The following ABHD17B variants were observed in gnomAD, a reference collection of about 807,000 sequenced individuals.
ABHD17B encodes the protein abhydrolase domain containing 17B, depalmitoylase, also known as alpha/beta hydrolase domain-containing protein 17B.
A neutral mutation model predicts 26.2 loss-of-function variants in ABHD17B; 9 were observed. The observed-to-expected ratio is 0.34, with a 90% CI of 0.21 to 0.60. The LOEUF (loss-of-function observed/expected upper bound fraction) is 0.60, where lower values mean the gene tolerates loss of function less well. ABHD17B is among the 20% of genes least tolerant of loss of function. The pLI, the probability that ABHD17B is intolerant of heterozygous loss-of-function variation, is 0.80. For synonymous variants in ABHD17B, 127 were observed against 122.3 expected, an observed-to-expected ratio of 1.04 and a Z score of -0.25; for missense variants, 224 against 352.1, an observed-to-expected ratio of 0.64 and a Z score of 2.91.
chr9:71,898,047 T>C (rs1466253728), intron 1 of ABHD17B, among the ~76,000 whole-genome samples: 1 of 152,194 alleles, frequency 6.6e-6, no homozygotes, highest in Non-Finnish European at 1.5e-5. Flanking sequence ...AAGAATAGAC[T>C]AGATGCCTAA....
chr9:71,885,460 CAAAAA>C (rs35660801), intron 1 of ABHD17B, among the ~76,000 whole-genome samples: 1 of 124,006 alleles, frequency 8.1e-6, no homozygotes. Context: ...ACTCTGTCTC[CAAAAA>C]AAAAAAAAAA....
At chr9:71,905,174 G>C (rs1827248946) in intron 1 of ABHD17B, among the ~76,000 whole-genome samples, 2 of 151,614 alleles carry the variant, frequency 1.3e-5, no homozygotes, top group Non-Finnish European at 2.9e-5. Context: ...CCAGGCTGGA[G>C]TGTGGTGGCG....
chr9:71,871,209 G>A (rs1042610210), intron 2 of ABHD17B, among the ~76,000 whole-genome samples: 2 of 152,174 alleles, frequency 1.3e-5, no homozygotes, highest in African/African-American at 4.8e-5. Context: ...CTTTTGCAAA[G>A]GTAAAATATC....
In ABHD17B at chr9:71,865,194, GA is replaced by G. The variant is rs1825919597; in HGVS notation, c.*1592del. 2 of 985,358 alleles carry G rather than the reference GA, an allele frequency of 2.0e-6. No individual in the cohort carries two copies. 61.0% of individuals were successfully genotyped at this position (985,358 alleles called of 1,614,324 possible). On this transcript the variant is annotated 3_prime_UTR_variant, in exon 4 of 4. Coordinates refer to ENST00000333421, the MANE Select transcript of ABHD17B (RefSeq NM_001025780.3). The stretch of plus-strand genomic sequence containing the variant: ...GTTTTACTGTTAATTTGACACATCT[GA>G]ACCAAAGCATTCACAATACTTGATA...
chr9:71,868,593 A>T (rs1050821916), intron 3 of ABHD17B, among the ~76,000 whole-genome samples: 1 of 152,250 alleles, frequency 6.6e-6, no homozygotes, highest in Non-Finnish European at 1.5e-5. Flanking sequence ...AAGAATAAAT[A>T]CTTGGGTTTA....
intron 1 of ABHD17B, among the ~76,000 whole-genome samples, chr9:71,878,895 C>T (rs1023901999): frequency 3.3e-5 from 5 of 152,190 alleles, no homozygotes; most frequent in East Asian, 1.9e-4. Context: ...GTGGCTCACA[C>T]CTATAATCCC....
At position 71,874,714 on chromosome 9, in the gene ABHD17B, A is replaced by G; in HGVS notation, c.367T>C (p.Phe123Leu). The stretch of plus-strand genomic sequence containing the variant: ...CCATATCCAGAATAATCATATGAGA[A>G]TATATTACAATTAATCCGTGATCCT... ...GLGSRINCNI[F>L]SYDYSGYGAS... The change falls in exon 2 of 4, where the codon TTC becomes CTC. Residue 123 changes from phenylalanine (F) to leucine (L), a missense_variant. Phe to Leu is a conservative substitution (Grantham distance 22). Coordinates refer to ENST00000333421, the MANE Select transcript of ABHD17B (RefSeq NM_001025780.3). 6.2e-7 allele frequency: 1 copy of G among 1,614,200 alleles called. No individual in the cohort carries two copies. Among genetic ancestry groups the G allele is most frequent in the Non-Finnish European group, 8.5e-7 (1 of 1,180,018 alleles).
chr9:71,884,543 A>T (rs1159372894), intron 1 of ABHD17B, among the ~76,000 whole-genome samples: 1 of 152,148 alleles, frequency 6.6e-6, no homozygotes, highest in Non-Finnish European at 1.5e-5. Flanking sequence ...AAACAGACAT[A>T]AACATTATCT....
chr9:71,900,131 T>C (rs1350596769), intron 1 of ABHD17B, among the ~76,000 whole-genome samples: 2 of 152,232 alleles, frequency 1.3e-5, no homozygotes, highest in Non-Finnish European at 2.9e-5. Context: ...AAGATTGCCT[T>C]TTCTATCCTT....
chr9:71,888,925 G>C (rs1389989974), intron 1 of ABHD17B, among the ~76,000 whole-genome samples: 1 of 151,524 alleles, frequency 6.6e-6, no homozygotes. Context: ...TACTACTACT[G>C]TATGCAAATA....
At chr9:71,906,821 A>AACAAAC (rs201443991) in intron 1 of ABHD17B, among the ~76,000 whole-genome samples, 1 of 150,286 alleles carries the variant, frequency 6.7e-6, no homozygotes, top group African/African-American at 2.5e-5. Flanking sequence ...CAAACAAACA[A>AACAAAC]AAAAAAAAAC....
chr9:71,879,408 T>C (rs1390553111), intron 1 of ABHD17B, among the ~76,000 whole-genome samples: 1 of 152,168 alleles, frequency 6.6e-6, no homozygotes, highest in Non-Finnish European at 1.5e-5. Flanking sequence ...GGTACCTGAC[T>C]TGTTGAGGAT....
At chr9:71,884,490 A>C (rs1447556663) in intron 1 of ABHD17B, among the ~76,000 whole-genome samples, 2 of 152,216 alleles carry the variant, frequency 1.3e-5, no homozygotes, top group Admixed American at 6.5e-5. Context: ...GGGTGAAAAA[A>C]GTAAGGTACG....
intron 1 of ABHD17B, among the ~76,000 whole-genome samples, chr9:71,893,129 A>G (rs1826842961): frequency 6.6e-6 from 1 of 152,162 alleles, no homozygotes; most frequent in Admixed American, 6.5e-5. Flanking sequence ...AAAACAAACT[A>G]TTTTGTCCTT....
In ABHD17B at chr9:71,866,597, C is replaced by T. The variant is rs1225416384; in HGVS notation, c.*190G>A. 2.5e-5 allele frequency: 36 copies of T among 1,415,704 alleles called. No individual in the cohort carries two copies. The East Asian group carries it at 6.7e-4, about 26-fold the overall frequency. The allele number at this position is 1,415,704 out of a possible 1,614,324, so 87.7% of individuals were successfully genotyped here. A position where few individuals can be genotyped will look rare whatever the true frequency, so the allele number is the denominator to read the frequency against. On this transcript the variant is annotated 3_prime_UTR_variant, in exon 4 of 4. Transcript: ENST00000333421. The stretch of plus-strand genomic sequence containing the variant: ...ATATAAATTACACAGCCTGACTGCA[C>T]GGTACTGTTATTTCCAGTTTTTAGT...
chr9:71,887,200 G>A (rs1002261099), intron 1 of ABHD17B, among the ~76,000 whole-genome samples: 3 of 151,956 alleles, frequency 2.0e-5, no homozygotes, highest in Non-Finnish European at 4.4e-5. Context: ...GGAGTTAGAC[G>A]AAAAAAGAAA....
At chr9:71,887,412 C>T (rs1826643154) in intron 1 of ABHD17B, among the ~76,000 whole-genome samples, 1 of 152,102 alleles carries the variant, frequency 6.6e-6, no homozygotes, top group Admixed American at 6.5e-5. Context: ...TAATTTGGGT[C>T]AGAAGTCCTA....
chr9:71,874,747 T>C lies in ABHD17B; in HGVS notation c.334A>G (p.Ile112Val). ...VDLGQMSSFY[I>V]GLGSRINCNI... ...CAATTAATCCGTGATCCTAGTCCTA[T>C]GTAAAAGCTGCTCATTTGACCAAGA... The change falls in exon 2 of 4, where the codon ATA becomes GTA. Residue 112 changes from isoleucine (I) to valine (V), a missense_variant. Physicochemically the swap from Ile to Val is conservative, Grantham distance 29. Transcript: ENST00000333421. 2 of 1,614,244 alleles carry C rather than the reference T, an allele frequency of 1.2e-6. No individual in the cohort carries two copies. The highest frequency in any genetic ancestry group is 8.5e-7 in the Non-Finnish European group (1 of 1,180,028).
At chr9:71,873,815 G>A (rs1225451738) in intron 2 of ABHD17B, among the ~76,000 whole-genome samples, 1 of 152,170 alleles carries the variant, frequency 6.6e-6, no homozygotes, top group Non-Finnish European at 1.5e-5. Context: ...CTACAGGCGT[G>A]AGCCACCGCA....
Sources: gnomAD v4.1 joint callset for allele counts (sites outside exome capture counted in the v4.1 genomes callset) on GRCh38, gnomAD v4.1.1 for gene constraint, MANE v1.5 for transcripts, NCBI Gene and HGNC (gene_info 2026-07-23, HGNC 2026-07-21) for gene names.